KLF9: variants seen among roughly 807,000 people sequenced by gnomAD.
The protein encoded by KLF9 is KLF transcription factor 9, also known as Krueppel-like factor 9.
In KLF9, 2 loss-of-function variants were observed where a neutral mutation model predicts 17.3. That is an observed-to-expected ratio of 0.12 (90% CI 0.05 to 0.36). KLF9 has a LOEUF of 0.36. Ranked by LOEUF, KLF9 falls within the 10% of genes least tolerant of loss-of-function variation. The probability of loss-of-function intolerance (pLI) is 1.00; values close to 1 mark genes in which losing one functional copy is unlikely to be tolerated. For synonymous variants in KLF9, 138 were observed against 139.2 expected (o/e 0.99, Z 0.06); for missense variants, 226 against 333.2 (o/e 0.68, Z 2.51).
intron 1 of KLF9, among the ~76,000 whole-genome samples, chr9:70,402,824 T>A (rs1041599679): frequency 2.0e-5 from 3 of 152,162 alleles, no homozygotes; most frequent in African/African-American, 4.8e-5. Context: ...TTTGTCAAAC[T>A]CTGTTCTTTG....
chr9:70,408,367 A>G (rs1379003523), intron 1 of KLF9, among the ~76,000 whole-genome samples: 3 of 152,210 alleles, frequency 2.0e-5, no homozygotes, highest in Admixed American at 6.5e-5. Flanking sequence ...CTAGTTGTAC[A>G]TCTATGTTGG....
Position 70,387,096 on chromosome 9 carries a change from C to G in KLF9, c.*680G>C, listed in dbSNP as rs912388930. The G allele has an allele frequency of 2.0e-5, 3 of 152,838 alleles. No individual in the cohort carries two copies. Among genetic ancestry groups the G allele is most frequent in the African/African-American group, 7.2e-5 (3 of 41,420 alleles). 9.5% of individuals were successfully genotyped at this position (152,838 alleles called of 1,614,324 possible). On this transcript the variant is annotated 3_prime_UTR_variant, in exon 2 of 2. Coordinates refer to ENST00000377126, the MANE Select transcript of KLF9 (RefSeq NM_001206.4). The stretch of plus-strand genomic sequence containing the variant: ...TTAGTATAAATTCAGACTCTGCTTA[C>G]CCATTGACTATAAGTAACTGTTTTT...
chr9:70,399,396 C>G (rs1587740658), intron 1 of KLF9, among the ~76,000 whole-genome samples: 1 of 152,244 alleles, frequency 6.6e-6, no homozygotes. Context: ...CTGGCCCAGA[C>G]TAGGTAATTC....
At position 70,412,996 on chromosome 9, in the gene KLF9, G is replaced by A; in HGVS notation, c.368C>T (p.Pro123Leu). 1 of 1,614,132 alleles carries A rather than the reference G, an allele frequency of 6.2e-7. No individual in the cohort carries two copies. Among genetic ancestry groups the A allele is most frequent in the Non-Finnish European group, 8.5e-7 (1 of 1,180,020 alleles). Reference protein sequence around the residue: ...ERQDPGSAPSPLSLLHPGVAA... With the variant: ...ERQDPGSAPSLLSLLHPGVAA... ...CACTCCAGGATGGAGGAGGGAGAGC[G>A]GGCTGGGCGCGCTGCCAGGATCCTG... The change falls in exon 1 of 2, where the codon CCG becomes CTG. Residue 123 changes from proline to leucine, a missense_variant. Pro to Leu is a moderately conservative substitution (Grantham distance 98). Coordinates refer to ENST00000377126, the MANE Select transcript of KLF9 (RefSeq NM_001206.4).
intron 1 of KLF9, among the ~76,000 whole-genome samples, chr9:70,390,680 C>T (rs1243502604): frequency 6.6e-6 from 1 of 152,032 alleles, no homozygotes; most frequent in Non-Finnish European, 1.5e-5. Context: ...CTCTCTCGTC[C>T]TCCTCCTGGT....
At chr9:70,391,813 T>C (rs2037155222) in intron 1 of KLF9, among the ~76,000 whole-genome samples, 1 of 152,238 alleles carries the variant, frequency 6.6e-6, no homozygotes, top group African/African-American at 2.4e-5. Flanking sequence ...AAAAGAATAT[T>C]TCATGACAGG....
At chr9:70,388,075 C>A in intron 1 of KLF9, 70 bp from the exon 2 acceptor site, 1 of 1,197,832 alleles carries the variant, frequency 8.3e-7, no homozygotes, top group South Asian at 1.3e-5. Context: ...CGGTCATGGT[C>A]AATAGTCCCT....
At chr9:70,390,899 C>T (rs73649103) in intron 1 of KLF9, among the ~76,000 whole-genome samples, 3,808 of 152,260 alleles carry the variant, frequency 0.025, 135 homozygotes, top group African/African-American at 0.086. Context: ...CAAAACAAAA[C>T]GCCCTCTCTG....
Position 70,414,157 on chromosome 9 carries a change from G to A in KLF9, c.-794C>T, listed in dbSNP as rs1326970388. 6.6e-6 allele frequency: 1 copy of A among 152,226 alleles called. No individual in the cohort carries two copies. The highest frequency in any genetic ancestry group is 1.5e-5 in the Non-Finnish European group (1 of 68,064). The allele number at this position is 152,226 out of a possible 1,614,324, so 9.4% of individuals were successfully genotyped here. On this transcript the variant is annotated 5_prime_UTR_variant, in exon 1 of 2. Coordinates refer to ENST00000377126, the MANE Select transcript of KLF9 (RefSeq NM_001206.4). ...TGCTACCCCTACAGCCTCGAACACT[G>A]ACATTTAAAAGGGTAACAGCTGGGA...
intron 1 of KLF9, among the ~76,000 whole-genome samples, chr9:70,408,160 A>C (rs1338445355): frequency 1.3e-5 from 2 of 152,144 alleles, no homozygotes; most frequent in African/African-American, 4.8e-5. Flanking sequence ...GATCACTTGA[A>C]GTCAGGAGTT....
intron 1 of KLF9, among the ~76,000 whole-genome samples, chr9:70,403,122 C>T (rs1487970696): frequency 6.6e-6 from 1 of 152,086 alleles, no homozygotes; most frequent in African/African-American, 2.4e-5. Flanking sequence ...TGCACTCCAG[C>T]CTGGGCAGCA....
At chr9:70,410,953 G>A (rs2037307516) in intron 1 of KLF9, among the ~76,000 whole-genome samples, 1 of 152,090 alleles carries the variant, frequency 6.6e-6, no homozygotes, top group South Asian at 2.1e-4. Context: ...CACATCCCTA[G>A]GTTCAAAGCA....
chr9:70,409,079 T>TACACAC (rs1477989497), intron 1 of KLF9, among the ~76,000 whole-genome samples: 1 of 97,182 alleles, frequency 1.0e-5, no homozygotes, highest in African/African-American at 3.3e-5. Flanking sequence ...TGTGTATATA[T>TACACAC]ATACACATAT....
At chr9:70,389,673 G>A (rs1007218385) in intron 1 of KLF9, among the ~76,000 whole-genome samples, 1 of 152,212 alleles carries the variant, frequency 6.6e-6, no homozygotes, top group African/African-American at 2.4e-5. Flanking sequence ...GAAGGCAGGG[G>A]AGGTGAAGGC....
intron 1 of KLF9, among the ~76,000 whole-genome samples, chr9:70,400,682 C>G (rs779197968): frequency 1.3e-5 from 2 of 152,196 alleles, no homozygotes; most frequent in African/African-American, 2.4e-5. Context: ...GCCACTCCAG[C>G]AAGTGTTTCC....
At chr9:70,400,962 A>G (rs2037216811) in intron 1 of KLF9, among the ~76,000 whole-genome samples, 3 of 152,134 alleles carry the variant, frequency 2.0e-5, no homozygotes, top group Middle Eastern at 3.4e-3. Context: ...TCAGAAAAGG[A>G]ATATAGTCCC....
intron 1 of KLF9, among the ~76,000 whole-genome samples, chr9:70,395,891 T>C (rs1477367606): frequency 6.6e-6 from 1 of 152,146 alleles, no homozygotes; most frequent in Non-Finnish European, 1.5e-5. Flanking sequence ...GCTGAGATTG[T>C]GTCACTGCAC....
chr9:70,412,707 G>A (rs2037333081), intron 1 of KLF9, 152 bp downstream of exon 1: 1 of 779,450 alleles, frequency 1.3e-6, no homozygotes, highest in Non-Finnish European at 2.0e-6. Context: ...TTCCGCCAAT[G>A]CACATTTAAA....
chr9:70,388,713 C>G (rs1341255967), intron 1 of KLF9, among the ~76,000 whole-genome samples: 1 of 152,184 alleles, frequency 6.6e-6, no homozygotes, highest in African/African-American at 2.4e-5. Flanking sequence ...ACGAGCATTT[C>G]TCCCTGAGCT....
Sources: allele counts gnomAD v4.1 joint callset (sites outside exome capture counted in the v4.1 genomes callset), GRCh38; gene constraint gnomAD v4.1.1; transcripts MANE v1.5; gene names NCBI Gene and HGNC (gene_info 2026-07-23, HGNC 2026-07-21).